Variants in CNTN4 observed in about 807,000 individuals in gnomAD.
The protein encoded by CNTN4 is contactin-4.
Under a neutral mutation model 122.5 loss-of-function variants are expected in CNTN4, and 77 were observed. That is an observed-to-expected ratio of 0.63 (90% confidence interval 0.52 to 0.76). The LOEUF is 0.76. CNTN4 is among the 30% of genes least tolerant of loss of function. The probability of loss-of-function intolerance (pLI) is 0.00; values close to 1 mark genes in which losing one functional copy is unlikely to be tolerated. For synonymous variants in CNTN4, 512 were observed against 447.0 expected, an observed-to-expected ratio of 1.15 and a Z score of -1.83; for missense variants, 1,256 against 1,259.1, an observed-to-expected ratio of 1.00 and a Z score of 0.04.
At chr3:2,757,393 C>G (rs1157743790) in intron 6 of CNTN4, among the ~76,000 whole-genome samples, 1 of 152,176 alleles carries the variant, frequency 6.6e-6, no homozygotes, top group East Asian at 1.9e-4. Context: ...CTCTGGACTT[C>G]TTCCGTTTTC....
intron 6 of CNTN4, among the ~76,000 whole-genome samples, chr3:2,782,436 T>C (rs2091633487): frequency 6.6e-6 from 1 of 150,818 alleles, no homozygotes; most frequent in Non-Finnish European, 1.5e-5. Context: ...ATGTAATACA[T>C]ACCCATAACT....
At chr3:2,732,853 G>A (rs912146382) in intron 4 of CNTN4, among the ~76,000 whole-genome samples, 4 of 151,948 alleles carry the variant, frequency 2.6e-5, no homozygotes, top group Non-Finnish European at 5.9e-5. Context: ...CAAATAGCTC[G>A]TGCACAAAAG....
rs369718809 is a variant in CNTN4, at chr3:2,549,408, A to T, written c.-88-22008A>T. Among the ~76,000 whole-genome samples the T allele has an allele frequency of 7.4e-4, 113 of 152,320 alleles. 1 individual carries two copies. Among genetic ancestry groups the T allele is most frequent in the African/African-American group, 2.5e-3 (103 of 41,568 alleles). On this transcript the variant is annotated intron_variant, in intron 3 of 24. Coordinates refer to ENST00000418658, the MANE Select transcript of CNTN4 (RefSeq NM_175607.3). ...TACTTTATTGAGAGTTTTTAGCATG[A>T]AGAGGTGTTGAATTTTATCGAGAAC... is the stretch of plus-strand genomic sequence containing the variant.
chr3:2,585,846 AAAAAG>A (rs549363846), intron 4 of CNTN4, among the ~76,000 whole-genome samples: 23 of 151,830 alleles, frequency 1.5e-4, no homozygotes, highest in African/African-American at 5.3e-4. Flanking sequence ...AATAAAAAAA[AAAAAG>A]AAAAGTAACC....
intron 14 of CNTN4, among the ~76,000 whole-genome samples, chr3:3,002,400 C>T (rs1040074769): frequency 6.6e-6 from 1 of 151,396 alleles, no homozygotes; most frequent in Non-Finnish European, 1.5e-5. Flanking sequence ...CAACTAGGGA[C>T]GAATATAATT....
In CNTN4 at chr3:2,835,849, A is replaced by G. The variant is rs527715580; in HGVS notation, c.454+16268A>G. ...AGTACCTTAAGTATTCACCTCATGC[A>G]ATTCAAAGGAACATAGCACAAACCT... On this transcript the variant is annotated intron_variant, in intron 7 of 24. Coordinates refer to ENST00000418658, the MANE Select transcript of CNTN4 (RefSeq NM_175607.3). Among the ~76,000 whole-genome samples the G allele has an allele frequency of 3.3e-5, 5 of 152,206 alleles. No homozygotes were observed. The South Asian group carries it at 6.2e-4, about 19-fold the overall frequency.
rs115587857 is a variant in CNTN4, at chr3:2,992,983, T to C, written c.1486+4511T>C. On this transcript the variant is annotated intron_variant, in intron 14 of 24. Coordinates refer to ENST00000418658, the MANE Select transcript of CNTN4 (RefSeq NM_175607.3). The stretch of plus-strand genomic sequence containing the variant: ...TGGAAAAACCTACATTTAAAATAAA[T>C]ACCCCAATTGATCCTTATACACATC... Among the ~76,000 whole-genome samples the C allele has an allele frequency of 2.1e-3, 321 of 152,144 alleles. 2 individuals carry two copies. The highest frequency in any genetic ancestry group is 7.2e-3 in the African/African-American group (297 of 41,434).
At chr3:2,371,837 C>T (rs2045644366) in intron 3 of CNTN4, among the ~76,000 whole-genome samples, 1 of 152,168 alleles carries the variant, frequency 6.6e-6, no homozygotes, top group African/African-American at 2.4e-5. Flanking sequence ...GATTTCTATT[C>T]ACTAATTTCC....
At chr3:2,110,751 G>T (rs1454258797) in intron 2 of CNTN4, 1 of 134,358 alleles carries the variant, frequency 7.4e-6, no homozygotes, top group Non-Finnish European at 1.7e-5. Flanking sequence ...TTGTTGTTGT[G>T]AGAGAGTAAT....
At chr3:2,675,795 A>G (rs2084812864) in intron 4 of CNTN4, among the ~76,000 whole-genome samples, 1 of 152,312 alleles carries the variant, frequency 6.6e-6, no homozygotes, top group Admixed American at 6.5e-5. Flanking sequence ...TACTGTTACC[A>G]TGTCTGAAAT....
In CNTN4 at chr3:2,581,009, C is replaced by T. The variant is rs556487552; in HGVS notation, c.55+9451C>T. ...AAATTGAGTACCTGTCTTCATAAAGCTTACCATCTTGTAAAATACTCTGAA... is the reference window on the plus strand; with the variant it reads ...AAATTGAGTACCTGTCTTCATAAAGTTTACCATCTTGTAAAATACTCTGAA... On this transcript the variant is annotated intron_variant, in intron 4 of 24. Transcript: ENST00000418658. Among the ~76,000 whole-genome samples the T allele has an allele frequency of 1.6e-4, 25 of 152,272 alleles. 1 individual carries two copies. Among genetic ancestry groups the T allele is most frequent in the South Asian group, 8.3e-4 (4 of 4,824 alleles).
At chr3:3,048,263 T>G (rs1024928194) in intron 23 of CNTN4, among the ~76,000 whole-genome samples, 2 of 151,730 alleles carry the variant, frequency 1.3e-5, no homozygotes, top group Non-Finnish European at 2.9e-5. Flanking sequence ...ACAATGAAAA[T>G]GACACAGATT....
intron 2 of CNTN4, among the ~76,000 whole-genome samples, chr3:2,229,578 A>T (rs1434177207): frequency 1.3e-5 from 2 of 152,196 alleles, no homozygotes; most frequent in Non-Finnish European, 2.9e-5. Context: ...TTCCTTAGAT[A>T]TAGCTGAAAG....
intron 2 of CNTN4, among the ~76,000 whole-genome samples, chr3:2,247,553 C>G (rs553654276): frequency 4.7e-4 from 71 of 151,944 alleles, no homozygotes; most frequent in African/African-American, 1.5e-3. Context: ...TGTTGTAGTT[C>G]TAGATTTGCG....
intron 3 of CNTN4, among the ~76,000 whole-genome samples, chr3:2,554,920 C>A (rs1223327799): frequency 6.6e-6 from 1 of 152,152 alleles, no homozygotes; most frequent in Non-Finnish European, 1.5e-5. Context: ...AAAAGTAAAT[C>A]TAGGAAATGC....
At chr3:2,290,032 A>G (rs2042075794) in intron 2 of CNTN4, among the ~76,000 whole-genome samples, 1 of 152,108 alleles carries the variant, frequency 6.6e-6, no homozygotes. Flanking sequence ...TGAGCCAGTC[A>G]TTTTCTTAGA....
At chr3:2,621,798 A>G (rs2082000400) in intron 4 of CNTN4, among the ~76,000 whole-genome samples, 1 of 152,078 alleles carries the variant, frequency 6.6e-6, no homozygotes, top group Non-Finnish European at 1.5e-5. Context: ...CCATTTCACA[A>G]AAGAATTTGT....
chr3:2,493,008 A>G (rs532464457), intron 3 of CNTN4, among the ~76,000 whole-genome samples: 1 of 152,168 alleles, frequency 6.6e-6, no homozygotes, highest in African/African-American at 2.4e-5. Flanking sequence ...TTGATTGAAT[A>G]TTTTACTTGC....
In CNTN4 at chr3:2,730,961, A is replaced by C. The variant is rs557024623; in HGVS notation, c.56-5254A>C. On this transcript the variant is annotated intron_variant, in intron 4 of 24. Transcript: ENST00000418658. ...CATTGATGTTCCAATACAGCAAATA[A>C]ATTAAGTGACACCCGGCTGCGGAGA... 9.9e-5 allele frequency among the ~76,000 whole-genome samples: 15 copies of C among 152,262 alleles called. No individual in the cohort carries two copies. In the East Asian group the frequency reaches 2.9e-3, roughly 29 times the overall value.
Sources: allele counts gnomAD v4.1 joint callset (sites outside exome capture counted in the v4.1 genomes callset), GRCh38; gene constraint gnomAD v4.1.1; transcripts MANE v1.5; gene names NCBI Gene and HGNC (gene_info 2026-07-23, HGNC 2026-07-21).